ASCL5: variants seen among roughly 807,000 people sequenced by gnomAD.
The protein encoded by ASCL5 is achaete-scute family bHLH transcription factor 5.
For synonymous variants in ASCL5, 124 were observed against 131.5 expected (o/e 0.94, Z 0.39); for missense variants, 262 against 268.9 (o/e 0.97, Z 0.18).
At chr1:201,117,025 C>G (rs942022783) in intron 1 of ASCL5, among the ~76,000 whole-genome samples, 1 of 152,202 alleles carries the variant, frequency 6.6e-6, no homozygotes, top group Admixed American at 6.5e-5. Context: ...CCTCTCACCT[C>G]TGTCCTTTTT....
chr1:201,126,246 C>T (rs901120667), intron 1 of ASCL5, among the ~76,000 whole-genome samples: 1 of 152,086 alleles, frequency 6.6e-6, no homozygotes, highest in African/African-American at 2.4e-5. Context: ...AGTAATCCTC[C>T]TGCCTCAGCC....
At position 201,115,353 on chromosome 1, in the gene ASCL5, C is replaced by T. The variant is rs1249948711; in HGVS notation, c.20G>A (p.Arg7Gln). 2.4e-6 allele frequency: 3 copies of T among 1,231,328 alleles called. No individual in the cohort carries two copies. The highest frequency in any genetic ancestry group is 1.6e-5 in the African/African-American group (1 of 64,398). 76.3% of individuals were successfully genotyped at this position (1,231,328 alleles called of 1,614,324 possible). A position where few individuals can be genotyped will look rare whatever the true frequency, so the allele number is the denominator to read the frequency against. Residue 7 changes from arginine (R) to glutamine (Q), a missense_variant, in exon 2 of 2, where the codon CGG (arginine) becomes CAG (glutamine). Physicochemically the swap from Arg to Gln is conservative, Grantham distance 43. Coordinates refer to ENST00000449188, the MANE Select transcript of ASCL5 (RefSeq NM_001270601.2). Reference sequence around the variant, plus strand: ...CAGAGGCCTCCGGTCCACCAGAGCCCGGCAGAAGTTATTGTTCATGGTGCC... The same window carrying T: ...CAGAGGCCTCCGGTCCACCAGAGCCTGGCAGAAGTTATTGTTCATGGTGCC... MNNNFC[R>Q]ALVDRRPLGP...
rs1482450604 is a variant in ASCL5 at position 201,114,513 on chromosome 1, G to C, written c.*239C>G. On this transcript the variant is annotated 3_prime_UTR_variant, in exon 2 of 2. Coordinates refer to ENST00000449188, the MANE Select transcript of ASCL5 (RefSeq NM_001270601.2). ...GACGCCCGGAGCAGTCCCAGGCCCT[G>C]CCCCTCGCTTCACCCACGGAGCTCC... The C allele has an allele frequency of 2.8e-6, 1 of 352,826 alleles. No individual in the cohort carries two copies. The highest frequency in any genetic ancestry group is 5.0e-6 in the Non-Finnish European group (1 of 198,630). 21.9% of individuals were successfully genotyped at this position (352,826 alleles called of 1,614,324 possible).
Position 201,117,654 on chromosome 1 carries a change from C to T in ASCL5, c.-505-1777G>A, listed in dbSNP as rs571385704. On this transcript the variant is annotated intron_variant, in intron 1 of 1. Coordinates refer to ENST00000449188, the MANE Select transcript of ASCL5 (RefSeq NM_001270601.2). ...TGCTGGCTCCGGTCCTGGGGGCCCT[C>T]TCTACATCTCTCTGCTTTACCCAGA... Among the ~76,000 whole-genome samples, 5 of 152,304 alleles carry T rather than the reference C, an allele frequency of 3.3e-5. No individual in the cohort carries two copies. In the South Asian group the frequency reaches 8.3e-4, roughly 25 times the overall value.
At chr1:201,119,423 G>A (rs1663407521) in intron 1 of ASCL5, among the ~76,000 whole-genome samples, 1 of 152,176 alleles carries the variant, frequency 6.6e-6, no homozygotes, top group Admixed American at 6.5e-5. Context: ...ACGGTGTGGT[G>A]GTGAGACGCA....
In ASCL5 at chr1:201,114,650, T is replaced by G; in HGVS notation, c.*102A>C. On this transcript the variant is annotated 3_prime_UTR_variant, in exon 2 of 2. Coordinates refer to ENST00000449188, the MANE Select transcript of ASCL5 (RefSeq NM_001270601.2). ...CGCCGCGGACCTCCTACAGTCACCG[T>G]CCTGCGGCGCATCGCGGGTGACCCA... 1 of 1,048,086 alleles carries G rather than the reference T, an allele frequency of 9.5e-7. No homozygotes were observed. Among genetic ancestry groups the G allele is most frequent in the Non-Finnish European group, 1.2e-6 (1 of 823,462 alleles). 64.9% of individuals were successfully genotyped at this position (1,048,086 alleles called of 1,614,324 possible).
In ASCL5 at chr1:201,127,162, G is replaced by A. The variant is rs533200177; in HGVS notation, c.-584C>T. ...CTCCTGGGGGGACTGCGGAATCTCCGGGGCTGCCCGCCTGCCCAGCAGCAC... is the reference window on the plus strand; with the variant it reads ...CTCCTGGGGGGACTGCGGAATCTCCAGGGCTGCCCGCCTGCCCAGCAGCAC... On this transcript the variant is annotated 5_prime_UTR_variant, in exon 1 of 2. Transcript: ENST00000449188. 1.0e-3 allele frequency: 158 copies of A among 152,838 alleles called. No individual in the cohort carries two copies. The highest frequency in any genetic ancestry group is 4.1e-4 in the African/African-American group (17 of 41,598). The allele number at this position is 152,838 out of a possible 1,614,324, so 9.5% of individuals were successfully genotyped here.
intron 1 of ASCL5, among the ~76,000 whole-genome samples, chr1:201,124,991 G>A (rs559395076): frequency 1.3e-5 from 2 of 152,296 alleles, no homozygotes; most frequent in South Asian, 2.1e-4. Flanking sequence ...TCATGCATGC[G>A]GTTACCTGTA....
intron 1 of ASCL5, among the ~76,000 whole-genome samples, chr1:201,118,062 CTTAT>C (rs1365554325): frequency 6.6e-6 from 1 of 152,318 alleles, no homozygotes; most frequent in Non-Finnish European, 1.5e-5. Context: ...ATATTCATAA[CTTAT>C]TTATTTTCCT....
chr1:201,114,872 G>C lies in ASCL5; in HGVS notation c.501C>G (p.Pro167=), dbSNP rs1175088609. ...CGCCGTCGCCAGGGCGGTCGGGACG[G>C]GGGGTGGCGGGCGGCGCGGGGCAGG... is the stretch of plus-strand genomic sequence containing the variant. The part of the protein sequence containing the change: ...TGPCPAPPAT[P]RPDRPGDGEA... The change falls in exon 2 of 2, where the codon CCC becomes CCG. Residue 167 remains proline, a synonymous_variant. Coordinates refer to ENST00000449188, the MANE Select transcript of ASCL5 (RefSeq NM_001270601.2). 1.6e-6 allele frequency: 2 copies of C among 1,228,404 alleles called. No individual in the cohort carries two copies. The highest frequency in any genetic ancestry group is 3.1e-5 in the African/African-American group (2 of 64,220). The allele number at this position is 1,228,404 out of a possible 1,614,324, so 76.1% of individuals were successfully genotyped here.
At chr1:201,120,012 TG>T (rs1468210002) in intron 1 of ASCL5, among the ~76,000 whole-genome samples, 2 of 152,212 alleles carry the variant, frequency 1.3e-5, no homozygotes, top group Non-Finnish European at 2.9e-5. Flanking sequence ...CAGATGTGCT[TG>T]GCAGGAAGTA....
chr1:201,115,845 C>T lies in ASCL5; in HGVS notation c.-473G>A, dbSNP rs1228797051. Reference sequence around the variant, plus strand: ...ACTGATGGCTGCTGTTAGGAGTGCGCCAGCTCAGTGGAGGGAGTCCCCGGG... The same window carrying T: ...ACTGATGGCTGCTGTTAGGAGTGCGTCAGCTCAGTGGAGGGAGTCCCCGGG... On this transcript the variant is annotated 5_prime_UTR_variant, in exon 2 of 2. Coordinates refer to ENST00000449188, the MANE Select transcript of ASCL5 (RefSeq NM_001270601.2). 1.3e-5 allele frequency: 2 copies of T among 152,668 alleles called. No homozygotes were observed. Among genetic ancestry groups the T allele is most frequent in the Non-Finnish European group, 1.5e-5 (1 of 68,340 alleles). The allele number at this position is 152,668 out of a possible 1,614,324, so 9.5% of individuals were successfully genotyped here.
chr1:201,126,814 G>A (rs796443057), intron 1 of ASCL5, among the ~76,000 whole-genome samples: 42 of 152,314 alleles, frequency 2.8e-4, no homozygotes, highest in African/African-American at 9.1e-4. Flanking sequence ...CCTTCACGAC[G>A]AGCAAGTCCA....
chr1:201,115,055 G>C lies in ASCL5; in HGVS notation c.318C>G (p.Leu106=). ...CCAGGGCGCCGGGGAGGTGGCCGCG[G>C]AGGCGAGCGTAGCCCTCGTTGACGC... The part of the protein sequence containing the change: ...VKCVNEGYAR[L]RGHLPGALAE... The change falls in exon 2 of 2, where the codon CTC becomes CTG. Residue 106 remains leucine (L), a synonymous_variant. Coordinates refer to ENST00000449188, the MANE Select transcript of ASCL5 (RefSeq NM_001270601.2). 8.1e-7 allele frequency: 1 copy of C among 1,232,192 alleles called. No individual in the cohort carries two copies. Among genetic ancestry groups the C allele is most frequent in the African/African-American group, 1.5e-5 (1 of 64,562 alleles). The allele number at this position is 1,232,192 out of a possible 1,614,324, so 76.3% of individuals were successfully genotyped here.
chr1:201,126,586 T>C (rs10920125), intron 1 of ASCL5, among the ~76,000 whole-genome samples: 35,217 of 152,228 alleles, frequency 0.23, 5,296 homozygotes, highest in African/African-American at 0.43. Context: ...GATTCTCACA[T>C]AGTGCTGTGA....
intron 1 of ASCL5, among the ~76,000 whole-genome samples, chr1:201,123,295 C>T (rs1206653081): frequency 1.3e-5 from 2 of 152,208 alleles, no homozygotes; most frequent in African/African-American, 2.4e-5. Flanking sequence ...AATCCACCTA[C>T]CAAATAACAT....
intron 1 of ASCL5, among the ~76,000 whole-genome samples, chr1:201,126,663 T>A (rs957137122): frequency 8.5e-5 from 13 of 152,224 alleles, no homozygotes; most frequent in Non-Finnish European, 1.8e-4. Context: ...AAATGGCCTG[T>A]GGTCCCACAA....
chr1:201,124,541 G>A (rs889948929), intron 1 of ASCL5, among the ~76,000 whole-genome samples: 1 of 147,328 alleles, frequency 6.8e-6, no homozygotes, highest in East Asian at 2.0e-4. Flanking sequence ...TGTAGGTGAC[G>A]GCTATTTCAT....
chr1:201,126,856 T>C (rs1218543123), intron 1 of ASCL5, among the ~76,000 whole-genome samples: 4 of 152,258 alleles, frequency 2.6e-5, no homozygotes, highest in Non-Finnish European at 4.4e-5. Context: ...GCAATGTCCT[T>C]GGCAGCACAG....
Sources: gnomAD v4.1 joint callset for allele counts (sites outside exome capture counted in the v4.1 genomes callset) on GRCh38, gnomAD v4.1.1 for gene constraint, MANE v1.5 for transcripts, NCBI Gene and HGNC (gene_info 2026-07-23, HGNC 2026-07-21) for gene names.